The following PCDH19 variants were observed in gnomAD, a reference collection of about 807,000 sequenced individuals.
PCDH19 encodes protocadherin 19, also known as protocadherin-19.
PCDH19 carries 6 observed loss-of-function variants against 46.2 expected under a neutral mutation model. That is an observed-to-expected ratio of 0.13 (90% CI 0.07 to 0.26). PCDH19 has a LOEUF of 0.26. PCDH19 is among the 10% of genes least tolerant of loss of function. The probability of loss-of-function intolerance (pLI) is 1.00; values close to 1 mark genes in which losing one functional copy is unlikely to be tolerated. For synonymous variants in PCDH19, 481 were observed against 415.7 expected (o/e 1.16, Z -1.91); for missense variants, 740 against 972.3 (o/e 0.76, Z 3.18).
At chrX:100,312,420 T>G (rs1004399103) in intron 5 of PCDH19, among the ~76,000 whole-genome samples, 20 of 112,060 alleles carry the variant, frequency 1.8e-4, no homozygotes, top group Admixed American at 5.7e-4. Flanking sequence ...CCTTCTGTGT[T>G]TACTTGTCAT....
Position 100,406,487 on chromosome X carries a change from T to C in PCDH19, c.2111A>G (p.Lys704Arg), listed in dbSNP as rs777896495. Residue 704 changes from lysine (K) to arginine (R), a missense_variant, in exon 1 of 6, where the codon AAG becomes AGG. Around this residue, in one of 5 missense-constraint regions of PCDH19, gnomAD observed 416 missense variants for 476.8 expected, o/e 0.87. Transcript: ENST00000373034. ...VTMIFVAIKC[K>R]RDNKEIRTYN... ...GGTCCGGATCTCTTTGTTGTCTCGC[T>C]TGCACTTGATTGCCACGAAGATCAT... 20 of 1,205,564 alleles carry C rather than the reference T, an allele frequency of 1.7e-5. No homozygotes were observed. The South Asian group carries it at 3.6e-4, about 22-fold the overall frequency.
At chrX:100,337,306 C>A (rs1398995357) in intron 5 of PCDH19, among the ~76,000 whole-genome samples, 1 of 111,680 alleles carries the variant, frequency 9.0e-6, no homozygotes, top group Non-Finnish European at 1.9e-5. Context: ...AGAACCAAAT[C>A]AAGTGGTAAA....
chrX:100,375,955 G>C (rs7052018), intron 3 of PCDH19, among the ~76,000 whole-genome samples: 1 of 110,605 alleles, frequency 9.0e-6, no homozygotes, highest in African/African-American at 3.3e-5. Flanking sequence ...TACAGATATC[G>C]GCCAGGTGCA....
chrX:100,375,687 T>C (rs959076850), intron 3 of PCDH19, among the ~76,000 whole-genome samples: 4 of 111,930 alleles, frequency 3.6e-5, no homozygotes, highest in Non-Finnish European at 5.6e-5. Flanking sequence ...TCCACAGTGG[T>C]TGAACTAGTA....
chrX:100,333,093 AGAAGGAAGGAAGGAGGGAGGGAAGGAAG>A, intron 5 of PCDH19, among the ~76,000 whole-genome samples: 1 of 92,780 alleles, frequency 1.1e-5, no homozygotes, highest in Non-Finnish European at 2.1e-5. Flanking sequence ...AAAAAAGGAA[AGAAGGAAGGAAGGAGGGAGGGAAGGAAG>A]GAAGGAAGGA....
chrX:100,405,554 T>C, intron 1 of PCDH19, among the ~76,000 whole-genome samples: 1 of 92,043 alleles, frequency 1.1e-5, no homozygotes, highest in Non-Finnish European at 2.1e-5. Context: ...TATCCCTCTC[T>C]CTCTCCCTCC....
At chrX:100,375,682 A>T (rs1228013075) in intron 3 of PCDH19, among the ~76,000 whole-genome samples, 1 of 111,982 alleles carries the variant, frequency 8.9e-6, no homozygotes, top group African/African-American at 3.3e-5. Context: ...TGTCTTCCAC[A>T]GTGGTTGAAC....
chrX:100,369,056 A>G (rs988301516), intron 3 of PCDH19, among the ~76,000 whole-genome samples: 3 of 111,770 alleles, frequency 2.7e-5, no homozygotes, highest in Non-Finnish European at 5.6e-5. Flanking sequence ...TCAGAAGTTA[A>G]TATTTCTTCT....
intron 3 of PCDH19, among the ~76,000 whole-genome samples, chrX:100,362,621 G>C (rs1215090849): frequency 1.9e-5 from 2 of 106,707 alleles, no homozygotes; most frequent in African/African-American, 6.8e-5. Context: ...GTGAAACCCC[G>C]TCTCTACTAA....
Position 100,403,621 on chromosome X carries a change from C to T in PCDH19, c.2191G>A (p.Gly731Arg), listed in dbSNP as rs747124369. 2.1e-5 allele frequency: 25 copies of T among 1,205,690 alleles called. No individual in the cohort carries two copies. The African/African-American group carries it at 3.1e-4, about 15-fold the overall frequency. The change falls in exon 2 of 6, where the codon GGA becomes AGA. Residue 731 changes from glycine to arginine, a missense_variant. By Grantham distance (125) the Gly-to-Arg change is moderately radical. Coordinates refer to ENST00000373034, the MANE Select transcript of PCDH19 (RefSeq NM_001184880.2). ...ITCLLGCFIK[G>R]QNSKCLHCIS... ...CAATGCAGACACTTGCTGTTTTGTC[C>T]TTTTATAAAACAGCCGAGGAGACAA...
At chrX:100,342,457 C>T (rs1322377615) in intron 4 of PCDH19, among the ~76,000 whole-genome samples, 1 of 112,038 alleles carries the variant, frequency 8.9e-6, no homozygotes, top group Non-Finnish European at 1.9e-5. Flanking sequence ...TCGTGAGGCA[C>T]TGTTTTAAGT....
intron 5 of PCDH19, among the ~76,000 whole-genome samples, chrX:100,313,014 C>T (rs1197952500): frequency 2.7e-5 from 3 of 111,252 alleles, no homozygotes; most frequent in Admixed American, 9.6e-5. Flanking sequence ...CACACACGCA[C>T]ATTCACCACC....
In PCDH19 at chrX:100,379,330, CACACACACACACACACA is replaced by C. The variant is rs1434500665; in HGVS notation, c.2616+23177_2616+23193del. Among the ~76,000 whole-genome samples, 16 of 4,446 alleles carry C rather than the reference CACACACACACACACACA, an allele frequency of 3.6e-3. No individual in the cohort carries two copies. The Admixed American group carries it at 0.04, about 11-fold the overall frequency. The allele number at this position is 4,446 out of a possible 115,157, so 3.9% of individuals were successfully genotyped here. On this transcript the variant is annotated intron_variant, in intron 3 of 5. Coordinates refer to ENST00000373034, the MANE Select transcript of PCDH19 (RefSeq NM_001184880.2). ...ACACACACACACACACACACACACA[CACACACACACACACACA>C]CATTTCCTCCCAGCTCTCAGGAACA...
intron 5 of PCDH19, among the ~76,000 whole-genome samples, chrX:100,341,337 G>A (rs140514914): frequency 9.0e-6 from 1 of 111,612 alleles, no homozygotes; most frequent in Non-Finnish European, 1.9e-5. Flanking sequence ...ATGACTAATG[G>A]CATGGTTTTG....
At chrX:100,336,707 G>A (rs1275830546) in intron 5 of PCDH19, among the ~76,000 whole-genome samples, 1 of 112,073 alleles carries the variant, frequency 8.9e-6, no homozygotes, top group Non-Finnish European at 1.9e-5. Flanking sequence ...CAGTTAGCAT[G>A]GAGGGAAACC....
chrX:100,408,440 A>T lies in PCDH19; in HGVS notation c.158T>A (p.Leu53Gln). 3 of 1,204,273 alleles carry T rather than the reference A, an allele frequency of 2.5e-6. No individual in the cohort carries two copies. The highest frequency in any genetic ancestry group is 3.4e-6 in the Non-Finnish European group (3 of 893,541). The change falls in exon 1 of 6, where the codon CTG becomes CAG. Residue 53 changes from leucine to glutamine, a missense_variant. Leu to Gln is a moderately radical substitution (Grantham distance 113). Around this residue, in one of 5 missense-constraint regions of PCDH19, gnomAD observed 81 missense variants for 96.5 expected, o/e 0.84. Coordinates refer to ENST00000373034, the MANE Select transcript of PCDH19 (RefSeq NM_001184880.2). Reference protein sequence around the residue: ...AKDAREAGFALDPRQASAFRV... With the variant: ...AKDAREAGFAQDPRQASAFRV... ...AAAGGCTGAAGCCTGCCGGGGGTCCAGCGCGAAGCCCGCCTCTCGCGCGTC... is the reference window on the plus strand; with the variant it reads ...AAAGGCTGAAGCCTGCCGGGGGTCCTGCGCGAAGCCCGCCTCTCGCGCGTC...
chrX:100,386,997 A>G (rs1022814995), intron 3 of PCDH19, among the ~76,000 whole-genome samples: 2 of 112,100 alleles, frequency 1.8e-5, no homozygotes, highest in Admixed American at 9.5e-5. Context: ...AATCAGAGTG[A>G]TGTTGTACAG....
In PCDH19 at chrX:100,410,174, C is replaced by CG; in HGVS notation, c.-1578dup. ...TCCCGGGCAAGCCAGGCATGGTGCACGGGAGCTGTGCTGCCGTCTGTGCCC... is the reference window on the plus strand; with the variant it reads ...TCCCGGGCAAGCCAGGCATGGTGCACGGGGAGCTGTGCTGCCGTCTGTGCCC... On this transcript the variant is annotated 5_prime_UTR_variant, in exon 1 of 6. Transcript: ENST00000373034. 1 of 297,018 alleles carries CG rather than the reference C, an allele frequency of 3.4e-6. No homozygotes were observed. Among genetic ancestry groups the CG allele is most frequent in the East Asian group, 4.8e-5 (1 of 20,966 alleles). The allele number at this position is 297,018 out of a possible 1,213,427, so 24.5% of individuals were successfully genotyped here. A position where few individuals can be genotyped will look rare whatever the true frequency, so the allele number is the denominator to read the frequency against.
At chrX:100,312,995 T>TCACA (rs1030380578) in intron 5 of PCDH19, among the ~76,000 whole-genome samples, 1 of 109,456 alleles carries the variant, frequency 9.1e-6, no homozygotes, top group Non-Finnish European at 1.9e-5. Context: ...GGCCACAAAA[T>TCACA]CACACACACA....
Sources: allele counts gnomAD v4.1 joint callset (sites outside exome capture counted in the v4.1 genomes callset), GRCh38; gene constraint gnomAD v4.1.1; regional missense constraint gnomAD v4.1.1; transcripts MANE v1.5; gene names NCBI Gene and HGNC (gene_info 2026-07-23, HGNC 2026-07-21).